The following KSR2 variants were observed in gnomAD, a reference collection of about 807,000 sequenced individuals.
KSR2 encodes kinase suppressor of ras 2.
Under a neutral mutation model 107.8 loss-of-function variants are expected in KSR2, and 25 were observed. The ratio of observed to expected loss-of-function variants is 0.23; its 90% confidence interval spans 0.17 to 0.32. The LOEUF (loss-of-function observed/expected upper bound fraction) is 0.32, where lower values mean the gene tolerates loss of function less well. Ranked by LOEUF, KSR2 falls within the 10% of genes least tolerant of loss-of-function variation. The pLI, the probability that KSR2 is intolerant of heterozygous loss-of-function variation, is 1.00. For missense variants in KSR2, 887 were observed against 1,268.9 expected (o/e 0.70, Z 4.57); for synonymous variants, 480 against 507.0 (o/e 0.95, Z 0.71).
At chr12:117,491,300 C>T (rs980540884) in intron 14 of KSR2, among the ~76,000 whole-genome samples, 4 of 152,192 alleles carry the variant, frequency 2.6e-5, no homozygotes, top group African/African-American at 9.7e-5. Flanking sequence ...TTGTCTCAGC[C>T]TCCTGAGTAG....
intron 7 of KSR2, among the ~76,000 whole-genome samples, chr12:117,565,817 G>C (rs942217290): frequency 6.6e-6 from 1 of 152,170 alleles, no homozygotes; most frequent in Non-Finnish European, 1.5e-5. Context: ...GTGTAGTCAT[G>C]TGTAATCATG....
intron 7 of KSR2, among the ~76,000 whole-genome samples, chr12:117,575,524 T>C (rs1178696326): frequency 2.0e-5 from 3 of 152,224 alleles, no homozygotes; most frequent in African/African-American, 7.2e-5. Context: ...CTGCCAATCT[T>C]TGAAAACACA....
chr12:117,768,555 C>T (rs1889327098), intron 3 of KSR2, among the ~76,000 whole-genome samples: 1 of 151,970 alleles, frequency 6.6e-6, no homozygotes, highest in Non-Finnish European at 1.5e-5. Context: ...AGCTGAGCAT[C>T]ATGGAAACAT....
At chr12:117,732,618 G>C (rs1025457267) in intron 4 of KSR2, among the ~76,000 whole-genome samples, 2 of 152,140 alleles carry the variant, frequency 1.3e-5, no homozygotes, top group Non-Finnish European at 2.9e-5. Flanking sequence ...CACTTAGAAA[G>C]TGACCCTCAC....
intron 4 of KSR2, among the ~76,000 whole-genome samples, chr12:117,698,818 C>G (rs900397174): frequency 6.6e-6 from 1 of 152,168 alleles, no homozygotes; most frequent in African/African-American, 2.4e-5. Flanking sequence ...CATTATATTT[C>G]TTCTTGTTTA....
At chr12:117,921,331 G>A (rs757805439) in intron 1 of KSR2, among the ~76,000 whole-genome samples, 3 of 152,162 alleles carry the variant, frequency 2.0e-5, no homozygotes, top group Non-Finnish European at 4.4e-5. Flanking sequence ...ATACTTACGT[G>A]ATAAATGTTC....
intron 7 of KSR2, among the ~76,000 whole-genome samples, chr12:117,569,046 C>T (rs1878713455): frequency 6.6e-6 from 1 of 152,180 alleles, no homozygotes; most frequent in East Asian, 1.9e-4. Flanking sequence ...ATCATTTCCC[C>T]ACTTTTTAAG....
intron 4 of KSR2, among the ~76,000 whole-genome samples, chr12:117,742,257 C>A (rs1888244430): frequency 6.6e-6 from 1 of 152,276 alleles, no homozygotes; most frequent in African/African-American, 2.4e-5. Context: ...TTGCATGATG[C>A]GGATTTTTCT....
intron 5 of KSR2, among the ~76,000 whole-genome samples, chr12:117,656,490 T>G (rs1884161726): frequency 6.6e-6 from 1 of 152,212 alleles, no homozygotes; most frequent in Admixed American, 6.5e-5. Context: ...GGCACATGCC[T>G]GTAATCCCAG....
chr12:117,835,690 G>C (rs2137133520), intron 3 of KSR2, among the ~76,000 whole-genome samples: 1 of 152,166 alleles, frequency 6.6e-6, no homozygotes, highest in Admixed American at 6.5e-5. Flanking sequence ...AGGGGCTAGG[G>C]GGTTGGATGC....
chr12:117,953,759 A>C (rs1253236616), intron 1 of KSR2, among the ~76,000 whole-genome samples: 3 of 152,204 alleles, frequency 2.0e-5, no homozygotes, highest in Admixed American at 2.0e-4. Flanking sequence ...CAACATTATA[A>C]GTGTACTTAA....
At chr12:117,706,953 C>A (rs1384371044) in intron 4 of KSR2, among the ~76,000 whole-genome samples, 4 of 152,016 alleles carry the variant, frequency 2.6e-5, no homozygotes, top group Admixed American at 2.0e-4. Context: ...TGAAACATCC[C>A]AAATGCCCAT....
At chr12:117,743,054 C>A (rs1217141772) in intron 4 of KSR2, among the ~76,000 whole-genome samples, 1 of 152,246 alleles carries the variant, frequency 6.6e-6, no homozygotes, top group Non-Finnish European at 1.5e-5. Context: ...GATGACCACC[C>A]AGCTAGACCA....
chr12:117,936,702 A>G (rs963908103), intron 1 of KSR2, among the ~76,000 whole-genome samples: 9 of 152,028 alleles, frequency 5.9e-5, no homozygotes, highest in African/African-American at 2.2e-4. Flanking sequence ...CTATTCAGTG[A>G]CTGTGAAAAC....
intron 8 of KSR2, among the ~76,000 whole-genome samples, chr12:117,557,972 T>G (rs1877823768): frequency 1.3e-5 from 2 of 152,302 alleles, no homozygotes; most frequent in Non-Finnish European, 1.5e-5. Flanking sequence ...TGCAGTGGAA[T>G]CCTGGTAGCG....
intron 5 of KSR2, among the ~76,000 whole-genome samples, chr12:117,632,818 C>T (rs1410262972): frequency 6.6e-6 from 1 of 152,176 alleles, no homozygotes; most frequent in African/African-American, 2.4e-5. Context: ...CATTCGTTCA[C>T]TTAGGATAAT....
intron 10 of KSR2, among the ~76,000 whole-genome samples, chr12:117,536,568 C>T (rs902431262): frequency 1.3e-5 from 2 of 152,182 alleles, no homozygotes; most frequent in African/African-American, 4.8e-5. Context: ...CACATATATG[C>T]ACACTGGTAC....
chr12:117,637,145 C>G (rs1490343447), intron 5 of KSR2, among the ~76,000 whole-genome samples: 1 of 152,124 alleles, frequency 6.6e-6, no homozygotes, highest in African/African-American at 2.4e-5. Flanking sequence ...GCAGCCTGGC[C>G]AAATGAAAGT....
At chr12:117,529,730 C>G (rs915963452) in intron 12 of KSR2, among the ~76,000 whole-genome samples, 1 of 152,040 alleles carries the variant, frequency 6.6e-6, no homozygotes, top group African/African-American at 2.4e-5. Context: ...CAGACAGGTG[C>G]AGTGGCTCAT....
Sources: allele counts gnomAD v4.1 joint callset (sites outside exome capture counted in the v4.1 genomes callset), GRCh38; gene constraint gnomAD v4.1.1; transcripts MANE v1.5; gene names NCBI Gene and HGNC (gene_info 2026-07-23, HGNC 2026-07-21).